Variants in GABRG3 observed in about 807,000 individuals in gnomAD.
GABRG3 encodes the protein gamma-aminobutyric acid receptor subunit gamma-3.
A neutral mutation model predicts 48.8 loss-of-function variants in GABRG3; 25 were observed. That is an observed-to-expected ratio of 0.51 (90% CI 0.37 to 0.72). The LOEUF (loss-of-function observed/expected upper bound fraction) is 0.72. GABRG3 is among the 30% of genes least tolerant of loss of function. The pLI, the probability that GABRG3 is intolerant of heterozygous loss-of-function variation, is 0.00. For missense variants in GABRG3, 394 were observed against 577.9 expected (o/e 0.68, Z 3.26); for synonymous variants, 227 against 217.6 (o/e 1.04, Z -0.38).
intron 2 of GABRG3, among the ~76,000 whole-genome samples, chr15:26,997,168 T>C (rs956545411): frequency 6.6e-6 from 1 of 152,200 alleles, no homozygotes; most frequent in Admixed American, 6.5e-5. Flanking sequence ...TCTATTTGGT[T>C]CCTCATATTA....
intron 5 of GABRG3, among the ~76,000 whole-genome samples, chr15:27,389,163 T>C (rs571825408): frequency 6.6e-6 from 1 of 152,102 alleles, no homozygotes; most frequent in South Asian, 2.1e-4. Context: ...AAGATCCAAA[T>C]AGAAAGTTAA....
intron 3 of GABRG3, among the ~76,000 whole-genome samples, chr15:27,193,942 A>C (rs914974851): frequency 2.0e-5 from 3 of 152,172 alleles, no homozygotes; most frequent in Non-Finnish European, 2.9e-5. Flanking sequence ...CTTGCATTCT[A>C]GTTGCCATTA....
At chr15:27,096,070 G>A (rs556023754) in intron 3 of GABRG3, among the ~76,000 whole-genome samples, 11 of 152,278 alleles carry the variant, frequency 7.2e-5, no homozygotes, top group South Asian at 4.2e-4. Context: ...CATCACATAC[G>A]GTTCCCAGCA....
At chr15:27,308,628 CATATA>C (rs1892848934) in intron 3 of GABRG3, among the ~76,000 whole-genome samples, 1 of 146,060 alleles carries the variant, frequency 6.8e-6, no homozygotes, top group Admixed American at 6.8e-5. Flanking sequence ...TATATATAAA[CATATA>C]ATGTAAACAT....
chr15:27,262,803 C>T lies in GABRG3; in HGVS notation c.271-64006C>T, dbSNP rs569492216. Among the ~76,000 whole-genome samples, 5 of 152,238 alleles carry T rather than the reference C, an allele frequency of 3.3e-5. No individual in the cohort carries two copies. The South Asian group carries it at 6.2e-4, about 19-fold the overall frequency. On this transcript the variant is annotated intron_variant, in intron 3 of 9. Coordinates refer to ENST00000615808, the MANE Select transcript of GABRG3 (RefSeq NM_033223.5). ...CTTTATTCTGCTTAGTGCCACTTTC[C>T]GCACAAAATAAATACATTTTTTTAA...
At chr15:27,288,232 GAC>G (rs1891681340) in intron 3 of GABRG3, among the ~76,000 whole-genome samples, 1 of 151,856 alleles carries the variant, frequency 6.6e-6, no homozygotes, top group African/African-American at 2.4e-5. Flanking sequence ...TTTTGTGGAA[GAC>G]AGTTTTTCCA....
intron 3 of GABRG3, among the ~76,000 whole-genome samples, chr15:27,117,279 CT>C (rs575256817): frequency 1.7e-4 from 26 of 152,308 alleles, no homozygotes; most frequent in African/African-American, 5.8e-4. Flanking sequence ...ATGTAAATGT[CT>C]TTCCCACCCC....
intron 3 of GABRG3, among the ~76,000 whole-genome samples, chr15:27,213,115 G>A (rs1158997219): frequency 6.6e-6 from 1 of 152,162 alleles, no homozygotes; most frequent in Non-Finnish European, 1.5e-5. Context: ...GAAGGTACAT[G>A]TTTAGCTTAG....
chr15:27,501,045 G>A (rs956537163), intron 6 of GABRG3, among the ~76,000 whole-genome samples: 19 of 143,168 alleles, frequency 1.3e-4, no homozygotes, highest in South Asian at 1.1e-3. Context: ...TCCGCCTCCC[G>A]GGTTCACACC....
At chr15:27,250,574 G>A (rs1246015859) in intron 3 of GABRG3, among the ~76,000 whole-genome samples, 1 of 152,062 alleles carries the variant, frequency 6.6e-6, no homozygotes, top group Non-Finnish European at 1.5e-5. Context: ...TTATAGTCGT[G>A]TGCCACCATG....
At chr15:27,395,734 A>G (rs1887279001) in intron 5 of GABRG3, among the ~76,000 whole-genome samples, 1 of 152,274 alleles carries the variant, frequency 6.6e-6, no homozygotes, top group South Asian at 2.1e-4. Context: ...AAAAGGGATT[A>G]TGACCTAAAT....
At chr15:27,410,983 C>T (rs185570375) in intron 5 of GABRG3, among the ~76,000 whole-genome samples, 17 of 152,000 alleles carry the variant, frequency 1.1e-4, no homozygotes, top group Admixed American at 2.6e-4. Context: ...GATCCATCAG[C>T]GATGAGACAT....
chr15:27,057,222 A>G (rs1007561768), intron 3 of GABRG3, among the ~76,000 whole-genome samples: 2 of 151,892 alleles, frequency 1.3e-5, no homozygotes, highest in African/African-American at 4.8e-5. Context: ...CACACATGAA[A>G]CTCCTCTGCT....
intron 5 of GABRG3, among the ~76,000 whole-genome samples, chr15:27,350,969 G>T (rs1469354389): frequency 2.0e-5 from 3 of 151,506 alleles, no homozygotes; most frequent in Non-Finnish European, 4.4e-5. Flanking sequence ...TATGGTGTGT[G>T]TTTGTGTGTG....
At position 27,479,520 on chromosome 15, in the gene GABRG3, A is replaced by G. The variant is rs140634426; in HGVS notation, c.575-1130A>G. Among the ~76,000 whole-genome samples, 602 of 152,370 alleles carry G rather than the reference A, an allele frequency of 4.0e-3. 2 individuals carry two copies. Among genetic ancestry groups the G allele is most frequent in the Middle Eastern group, 0.014 (4 of 294 alleles). ...GTCAGGCAGAGAGGGAAAAAAATGA[A>G]GAAGGCAGATTGCCTCTAAGAATTT... On this transcript the variant is annotated intron_variant, in intron 5 of 9. Transcript: ENST00000615808.
intron 5 of GABRG3, among the ~76,000 whole-genome samples, chr15:27,386,512 A>G (rs2140568177): frequency 6.6e-6 from 1 of 152,008 alleles, no homozygotes; most frequent in African/African-American, 2.4e-5. Flanking sequence ...ATATTGTTTG[A>G]ACAATAACCC....
chr15:27,208,354 C>T lies in GABRG3; in HGVS notation c.271-118455C>T, dbSNP rs146708430. 4.2e-3 allele frequency: 961 copies of T among 229,562 alleles called. 10 individuals carry two copies. Among genetic ancestry groups the T allele is most frequent in the African/African-American group, 0.02 (882 of 43,526 alleles). The allele number at this position is 229,562 out of a possible 1,614,324, so 14.2% of individuals were successfully genotyped here. A position where few individuals can be genotyped will look rare whatever the true frequency, so the allele number is the denominator to read the frequency against. ...TTTCAAAGTAGGTGCTGAGGTTGAA[C>T]TCCTGCACTTCATTGGCCTTGATGC... On this transcript the variant is annotated intron_variant, in intron 3 of 9. Transcript: ENST00000615808.
At chr15:27,051,049 C>G (rs1320759546) in intron 3 of GABRG3, among the ~76,000 whole-genome samples, 4 of 152,140 alleles carry the variant, frequency 2.6e-5, no homozygotes, top group Non-Finnish European at 4.4e-5. Flanking sequence ...TAGGTGTAAC[C>G]AGATAAATTG....
At chr15:27,189,185 G>C (rs1007727610) in intron 3 of GABRG3, among the ~76,000 whole-genome samples, 6 of 151,416 alleles carry the variant, frequency 4.0e-5, no homozygotes, top group African/African-American at 1.5e-4. Flanking sequence ...TTGTTCTTTT[G>C]GCTTAGGATT....
Sources: allele counts gnomAD v4.1 joint callset (sites outside exome capture counted in the v4.1 genomes callset), GRCh38; gene constraint gnomAD v4.1.1; transcripts MANE v1.5; gene names NCBI Gene and HGNC (gene_info 2026-07-23, HGNC 2026-07-21).